The following AASS variants were observed in gnomAD, a reference collection of about 807,000 sequenced individuals.
AASS encodes alpha-aminoadipic semialdehyde synthase, mitochondrial.
Under a neutral mutation model 105.4 loss-of-function variants are expected in AASS, and 86 were observed. The ratio of observed to expected loss-of-function variants is 0.82; its 90% CI spans 0.69 to 0.98. AASS has a LOEUF of 0.98. Among genes scored for constraint, AASS ranks in the 50% least tolerant of loss-of-function variants. AASS has a pLI of 0.00. For missense variants in AASS, 1,048 were observed against 1,143.2 expected, an observed-to-expected ratio of 0.92 and a Z score of 1.20; for synonymous variants, 381 against 394.8, an observed-to-expected ratio of 0.96 and a Z score of 0.41.
rs1056362000 is a variant in AASS at position 122,075,271 on chromosome 7, C to G, written c.*1218G>C. On this transcript the variant is annotated 3_prime_UTR_variant, in exon 24 of 24. Coordinates refer to ENST00000417368, the MANE Select transcript of AASS (RefSeq NM_005763.4). ...AATTTCTGCATATTTAATCCTGTAT[C>G]CTGTAACTTTGCTGAATTTATTTAT... Among the ~76,000 whole-genome samples, 3 of 152,160 alleles carry G rather than the reference C, an allele frequency of 2.0e-5. No individual in the cohort carries two copies. The highest frequency in any genetic ancestry group is 7.2e-5 in the African/African-American group (3 of 41,438).
At chr7:122,087,097 A>G (rs1793668874) in intron 18 of AASS, among the ~76,000 whole-genome samples, 1 of 152,166 alleles carries the variant, frequency 6.6e-6, no homozygotes, top group Admixed American at 6.6e-5. Context: ...CACTGGAAAC[A>G]ATTTCTGACC....
At chr7:122,110,102 G>A (rs1045154209) in intron 11 of AASS, among the ~76,000 whole-genome samples, 13 of 151,886 alleles carry the variant, frequency 8.6e-5, no homozygotes, top group African/African-American at 2.9e-4. Flanking sequence ...GGTTAACTAA[G>A]CTCTCAATAA....
In AASS at chr7:122,104,030, G is replaced by A. The variant is rs142123211; in HGVS notation, c.1279-2350C>T. ...AATCACTAAATCACAAAGATAAACA[G>A]GAGAGGAAAAAAAGAACAAATAAGC... On this transcript the variant is annotated intron_variant, in intron 11 of 23. Coordinates refer to ENST00000417368, the MANE Select transcript of AASS (RefSeq NM_005763.4). Among the ~76,000 whole-genome samples the A allele has an allele frequency of 9.2e-4, 140 of 151,862 alleles. 1 individual carries two copies. The highest frequency in any genetic ancestry group is 3.3e-3 in the African/African-American group (135 of 41,446).
At chr7:122,130,282 A>C (rs899475158) in intron 2 of AASS, among the ~76,000 whole-genome samples, 1 of 152,066 alleles carries the variant, frequency 6.6e-6, no homozygotes, top group African/African-American at 2.4e-5. Flanking sequence ...TGAAGATGGC[A>C]AACACAAGAT....
At chr7:122,138,847 A>T (rs1172305304) in intron 1 of AASS, among the ~76,000 whole-genome samples, 1 of 152,180 alleles carries the variant, frequency 6.6e-6, no homozygotes, top group African/African-American at 2.4e-5. Context: ...AAAAAAGGAC[A>T]CAGAGACAGA....
At chr7:122,079,762 T>TCAG in intron 20 of AASS, 50 bp from the exon 21 acceptor site, 2 of 1,279,888 alleles carry the variant, frequency 1.6e-6, no homozygotes, top group Non-Finnish European at 1.1e-6. Context: ...CAAATTTTTT[T>TCAG]TTAATTGACT....
chr7:122,126,443 T>C lies in AASS; in HGVS notation c.404A>G (p.Asp135Gly). ...EILKQEIRLI[D>G]YEKMVDHRGV... ...TCTATGATCCACCATTTTCTCATAA[T>C]CAATAAGGCGAATTTCCTGAAAAGA... is the stretch of plus-strand genomic sequence containing the variant. The change falls in exon 4 of 24, where the codon GAT becomes GGT. Residue 135 changes from aspartate to glycine, a missense_variant. Coordinates refer to ENST00000417368, the MANE Select transcript of AASS (RefSeq NM_005763.4). 6.2e-7 allele frequency: 1 copy of C among 1,613,816 alleles called. No homozygotes were observed. The highest frequency in any genetic ancestry group is 8.5e-7 in the Non-Finnish European group (1 of 1,179,820).
intron 17 of AASS, 85 bp from the exon 18 acceptor site, chr7:122,091,928 G>A: frequency 1.0e-6 from 1 of 980,674 alleles, no homozygotes; most frequent in African/African-American, 1.6e-5. Context: ...TGATATGAAT[G>A]GAGTAAACTT....
intron 10 of AASS, 79 bp downstream of exon 10, chr7:122,113,519 G>T: frequency 6.4e-7 from 1 of 1,552,520 alleles, no homozygotes; most frequent in Non-Finnish European, 8.8e-7. Flanking sequence ...TCATAAAGAT[G>T]TAAAATACTG....
chr7:122,078,871 G>C lies in AASS; in HGVS notation c.2476C>G (p.Leu826Val). The C allele has an allele frequency of 6.2e-7, 1 of 1,613,910 alleles. No homozygotes were observed. The highest frequency in any genetic ancestry group is 8.5e-7 in the Non-Finnish European group (1 of 1,179,870). The change falls in exon 22 of 24, where the codon CTT (leucine) becomes GTT (valine). Residue 826 changes from leucine (L) to valine (V), a missense_variant. Transcript: ENST00000417368. ...DALSKHLVMK[L>V]SYGPEEKDMI... ...ATACTTCATGGCCTACCATAGGAAA[G>C]CTTCATGACCAAATGCTTGGAGAGG...
In AASS at chr7:122,076,521, T is replaced by G. The variant is rs757109013; in HGVS notation, c.2749A>C (p.Ile917Leu). The G allele has an allele frequency of 6.2e-7, 1 of 1,613,798 alleles. No homozygotes were observed. ...ILERIKAEGI[I>L]YTTQSTIKP ...TTAATTGTACTCTGTGTAGTATATA[T>G]AATGCCTTCTGCTTTAATTCGCTCC... Residue 917 changes from isoleucine to leucine, a missense_variant, in exon 24 of 24, where the codon ATA becomes CTA. By Grantham distance (5) the Ile-to-Leu change is conservative (BLOSUM62 2). Transcript: ENST00000417368.
chr7:122,109,106 AC>A (rs1185792387), intron 11 of AASS, among the ~76,000 whole-genome samples: 1 of 152,040 alleles, frequency 6.6e-6, no homozygotes, highest in Non-Finnish European at 1.5e-5. Context: ...AGATCTCTAT[AC>A]TAAAAACTGT....
At chr7:122,091,203 C>T (rs1395345149) in intron 18 of AASS, among the ~76,000 whole-genome samples, 5 of 152,076 alleles carry the variant, frequency 3.3e-5, no homozygotes, top group Non-Finnish European at 5.9e-5. Context: ...TAATATTAAA[C>T]TTGGAGAGTT....
rs1045436247 is a variant in AASS, at chr7:122,074,082, G to A, written c.*2407C>T. 4.6e-5 allele frequency among the ~76,000 whole-genome samples: 7 copies of A among 151,984 alleles called. No individual in the cohort carries two copies. The highest frequency in any genetic ancestry group is 4.6e-4 in the Admixed American group (7 of 15,262). On this transcript the variant is annotated 3_prime_UTR_variant, in exon 24 of 24. Coordinates refer to ENST00000417368, the MANE Select transcript of AASS (RefSeq NM_005763.4). ...GTGTAGACATTTGTTTTTATATCAC[G>A]TGGGTATCCACCAACAGTGCATGAG...
chr7:122,075,952 G>C lies in AASS; in HGVS notation c.*537C>G, dbSNP rs1390340065. 3 of 152,780 alleles carry C rather than the reference G, an allele frequency of 2.0e-5. No individual in the cohort carries two copies. Among genetic ancestry groups the C allele is most frequent in the African/African-American group, 7.2e-5 (3 of 41,402 alleles). 9.5% of individuals were successfully genotyped at this position (152,780 alleles called of 1,614,324 possible). On this transcript the variant is annotated 3_prime_UTR_variant, in exon 24 of 24. Transcript: ENST00000417368. ...TCATTTGCTGGTTATAAGACAATAT[G>C]TTCATTTAAGAAAAAAGTGGACATC...
At chr7:122,093,796 TGA>T (rs2150517663) in intron 15 of AASS, among the ~76,000 whole-genome samples, 1 of 151,786 alleles carries the variant, frequency 6.6e-6, no homozygotes, top group Non-Finnish European at 1.5e-5. Context: ...GGCAATAGAG[TGA>T]GACCCTGTCT....
At chr7:122,129,005 G>C (rs1795787315) in intron 3 of AASS, among the ~76,000 whole-genome samples, 1 of 152,166 alleles carries the variant, frequency 6.6e-6, no homozygotes, top group Non-Finnish European at 1.5e-5. Context: ...CTGAACCTGG[G>C]AGGCGGAGGT....
At chr7:122,138,642 A>T (rs1796257509) in intron 1 of AASS, among the ~76,000 whole-genome samples, 1 of 152,212 alleles carries the variant, frequency 6.6e-6, no homozygotes, top group African/African-American at 2.4e-5. Flanking sequence ...CAGTAGCAAT[A>T]GGAGAACATA....
chr7:122,136,211 G>T (rs1011423040), intron 1 of AASS, among the ~76,000 whole-genome samples: 3 of 152,156 alleles, frequency 2.0e-5, no homozygotes, highest in African/African-American at 4.8e-5. Context: ...GATGGGGAAG[G>T]CTTGACCAAA....
Sources: gnomAD v4.1 joint callset for allele counts (sites outside exome capture counted in the v4.1 genomes callset) on GRCh38, gnomAD v4.1.1 for gene constraint, MANE v1.5 for transcripts, NCBI Gene and HGNC (gene_info 2026-07-23, HGNC 2026-07-21) for gene names.